The following PSTPIP1 variants were observed in gnomAD, a reference collection of about 807,000 sequenced individuals.
PSTPIP1 encodes the protein proline-serine-threonine phosphatase interacting protein 1, also known as proline-serine-threonine phosphatase-interacting protein 1.
Under a neutral mutation model 69.6 loss-of-function variants are expected in PSTPIP1, and 66 were observed. The observed-to-expected ratio is 0.95, with a 90% CI of 0.78 to 1.16. The LOEUF is 1.16. Among genes scored for constraint, PSTPIP1 ranks in the 50% most tolerant of loss-of-function variants. The pLI is 0.00. For synonymous variants in PSTPIP1, 266 were observed against 222.7 expected (o/e 1.19, Z -1.73); for missense variants, 603 against 557.4 (o/e 1.08, Z -0.82).
chr15:76,995,230 G>T lies in PSTPIP1; in HGVS notation c.-344G>T. On this transcript the variant is annotated 5_prime_UTR_variant, in exon 1 of 15. Transcript: ENST00000558012. Reference sequence around the variant, plus strand: ...TGGCCACTGCCTCCCACCCAGGGCTGGCATCCCTGCTCCCTGCCCTGGGTC... The same window carrying T: ...TGGCCACTGCCTCCCACCCAGGGCTTGCATCCCTGCTCCCTGCCCTGGGTC... The T allele has an allele frequency of 8.1e-7, 1 of 1,237,430 alleles. No individual in the cohort carries two copies. The highest frequency in any genetic ancestry group is 1.5e-5 in the African/African-American group (1 of 64,958). 76.7% of individuals were successfully genotyped at this position (1,237,430 alleles called of 1,614,324 possible). A position where few individuals can be genotyped will look rare whatever the true frequency, so the allele number is the denominator to read the frequency against.
At chr15:77,006,340 T>C (rs1348281747) in intron 1 of PSTPIP1, among the ~76,000 whole-genome samples, 1 of 152,102 alleles carries the variant, frequency 6.6e-6, no homozygotes, top group East Asian at 1.9e-4. Flanking sequence ...GTTGAAGGAG[T>C]TCTTTATATT....
chr15:77,007,762 T>A, intron 1 of PSTPIP1: 1 of 367,084 alleles, frequency 2.7e-6, no homozygotes, highest in Non-Finnish European at 5.5e-6. Flanking sequence ...GCCCAGCTAA[T>A]TTTTTTGTAT....
intron 1 of PSTPIP1, among the ~76,000 whole-genome samples, chr15:76,996,282 G>T (rs970908574): frequency 6.6e-6 from 1 of 152,208 alleles, no homozygotes; most frequent in Non-Finnish European, 1.5e-5. Flanking sequence ...AAATAAGGGC[G>T]CCCAGCCAGT....
At chr15:77,036,253 C>G (rs528614210) in intron 14 of PSTPIP1, among the ~76,000 whole-genome samples, 1 of 152,262 alleles carries the variant, frequency 6.6e-6, no homozygotes, top group African/African-American at 2.4e-5. Flanking sequence ...AGCACATGTA[C>G]CTATGCCGTC....
rs2076363790 is a variant in PSTPIP1, at chr15:77,029,517, C to T, written c.517-12C>T. ...GCAGGGGCTTAGCGCTGCTTCCCCTCTGTTTCCTCAGAGTCAGAACAAAGC... is the reference window on the plus strand; with the variant it reads ...GCAGGGGCTTAGCGCTGCTTCCCCTTTGTTTCCTCAGAGTCAGAACAAAGC... On this transcript the variant is annotated splice_polypyrimidine_tract_variant and intron_variant, in intron 7 of 14. Coordinates refer to ENST00000558012, the MANE Select transcript of PSTPIP1 (RefSeq NM_003978.5). 6.4e-7 allele frequency: 1 copy of T among 1,573,968 alleles called. No individual in the cohort carries two copies. The highest frequency in any genetic ancestry group is 1.2e-5 in the South Asian group (1 of 85,608).
At chr15:76,996,594 G>C (rs1218000155) in intron 1 of PSTPIP1, among the ~76,000 whole-genome samples, 2 of 152,256 alleles carry the variant, frequency 1.3e-5, no homozygotes, top group Non-Finnish European at 2.9e-5. Flanking sequence ...GAGGATGAGA[G>C]CTATGGAGCC....
intron 3 of PSTPIP1, among the ~76,000 whole-genome samples, chr15:77,021,421 G>A (rs747927835): frequency 3.3e-5 from 5 of 152,208 alleles, no homozygotes; most frequent in African/African-American, 4.8e-5. Flanking sequence ...GCCAGGCGCC[G>A]TGCCTCACGC....
chr15:77,010,051 G>T (rs190862146), intron 1 of PSTPIP1, among the ~76,000 whole-genome samples: 10 of 152,230 alleles, frequency 6.6e-5, no homozygotes, highest in Admixed American at 5.9e-4. Flanking sequence ...CCTCCTCCAG[G>T]GCTTGGGGTC....
At chr15:77,031,535 G>C (rs1306120217) in intron 10 of PSTPIP1, 1 of 374,794 alleles carries the variant, frequency 2.7e-6, no homozygotes, top group Non-Finnish European at 5.1e-6. Flanking sequence ...ATGCCTCAGA[G>C]CCACAGAGCA....
rs1478352876 is a variant in PSTPIP1 at position 77,028,672 on chromosome 15, C to T, written c.516+20C>T. 21 of 1,529,626 alleles carry T rather than the reference C, an allele frequency of 1.4e-5. No individual in the cohort carries two copies. 94.8% of individuals were successfully genotyped at this position (1,529,626 alleles called of 1,614,324 possible). Reference sequence around the variant, plus strand: ...GAGAAGGTGCGCTGGGCTGCTGGGCCGTGTGGGTCGCCCAGGGCTGGGGGC... The same window carrying T: ...GAGAAGGTGCGCTGGGCTGCTGGGCTGTGTGGGTCGCCCAGGGCTGGGGGC... On this transcript the variant is annotated intron_variant, in intron 7 of 14. Transcript: ENST00000558012.
At chr15:77,006,593 T>G (rs2469232) in intron 1 of PSTPIP1, among the ~76,000 whole-genome samples, 48,834 of 152,020 alleles carry the variant, frequency 0.32, 9,518 homozygotes, top group African/African-American at 0.52. Context: ...TACATCTAGG[T>G]GTTCACTTCA....
intron 1 of PSTPIP1, among the ~76,000 whole-genome samples, chr15:77,014,750 C>G (rs1276766020): frequency 6.6e-6 from 1 of 152,088 alleles, no homozygotes; most frequent in Non-Finnish European, 1.5e-5. Context: ...GTGGCTCACA[C>G]CAACACCCAC....
chr15:77,032,697 T>C, intron 11 of PSTPIP1, 165 bp from the exon 12 acceptor site: 1 of 653,982 alleles, frequency 1.5e-6, no homozygotes, highest in Admixed American at 2.9e-5. Context: ...ATATTAGGTC[T>C]TGATGGTACC....
intron 5 of PSTPIP1, among the ~76,000 whole-genome samples, chr15:77,026,897 G>A (rs566438873): frequency 2.0e-5 from 3 of 152,256 alleles, no homozygotes; most frequent in Non-Finnish European, 4.4e-5. Flanking sequence ...GGCTGCAAAG[G>A]CTGTTTTGGA....
At position 77,018,048 on chromosome 15, in the gene PSTPIP1, G is replaced by C. The variant is rs772826713; in HGVS notation, c.37-100G>C. On this transcript the variant is annotated intron_variant, in intron 1 of 14. Coordinates refer to ENST00000558012, the MANE Select transcript of PSTPIP1 (RefSeq NM_003978.5). ...CCCTGAGCAGGGGAGATGGAGGCAG[G>C]AGGGAGGCTGTTCCCAGAGATGGTG... 16 of 1,216,386 alleles carry C rather than the reference G, an allele frequency of 1.3e-5. No individual in the cohort carries two copies. In the Middle Eastern group the frequency reaches 5.7e-4, roughly 44 times the overall value. The allele number at this position is 1,216,386 out of a possible 1,614,324, so 75.3% of individuals were successfully genotyped here.
intron 1 of PSTPIP1, chr15:77,008,187 G>A (rs1183739425): frequency 2.6e-6 from 1 of 388,622 alleles, no homozygotes; most frequent in Non-Finnish European, 5.2e-6. Flanking sequence ...GGGAAGCACA[G>A]GGTGTGGGTG....
chr15:77,000,476 T>TATATATATATATATAC (rs1033258180), intron 1 of PSTPIP1, among the ~76,000 whole-genome samples: 3 of 146,886 alleles, frequency 2.0e-5, no homozygotes, highest in African/African-American at 7.7e-5. Context: ...TATATATATA[T>TATATATATATATATAC]ACACACACAC....
intron 1 of PSTPIP1, among the ~76,000 whole-genome samples, chr15:77,000,464 T>G (rs1375741111): frequency 4.5e-5 from 5 of 110,212 alleles, no homozygotes; most frequent in African/African-American, 1.4e-4. Flanking sequence ...AAGAGAGATA[T>G]ATATATATAT....
rs1555681400 is a variant in PSTPIP1, at chr15:77,032,387, G to GC, written c.837dup (p.Ala280ArgfsTer63). ...TCCAGGCCAAGAGCACGGGCACAGAGCCCCCCGGTGAGGTCCGGCTTGCGG... is the reference window on the plus strand; with the variant it reads ...TCCAGGCCAAGAGCACGGGCACAGAGCCCCCCCGGTGAGGTCCGGCTTGCGG... On this transcript the variant is annotated frameshift_variant, in exon 11 of 15. Transcript: ENST00000558012. LOFTEE classifies it high-confidence loss of function. 6 of 1,612,660 alleles carry GC rather than the reference G, an allele frequency of 3.7e-6. No homozygotes were observed. The highest frequency in any genetic ancestry group is 3.4e-6 in the Non-Finnish European group (4 of 1,179,778).
Sources: allele counts gnomAD v4.1 joint callset (sites outside exome capture counted in the v4.1 genomes callset), GRCh38; gene constraint gnomAD v4.1.1; transcripts MANE v1.5; gene names NCBI Gene and HGNC (gene_info 2026-07-23, HGNC 2026-07-21).